The following TFDP2 variants were observed in gnomAD, a reference collection of about 807,000 sequenced individuals.
TFDP2 encodes the protein transcription factor Dp-2 (E2F dimerization partner 2).
In TFDP2, 17 loss-of-function variants were observed where a neutral mutation model predicts 59.3. That is an observed-to-expected ratio of 0.29 (90% CI 0.20 to 0.43). The LOEUF is 0.43. Among genes scored for constraint, TFDP2 ranks in the 20% least tolerant of loss-of-function variants. TFDP2 has a pLI of 1.00. For missense variants in TFDP2, 391 were observed against 528.8 expected, an observed-to-expected ratio of 0.74 and a Z score of 2.56; for synonymous variants, 180 against 194.7, an observed-to-expected ratio of 0.92 and a Z score of 0.63.
chr3:142,110,490 C>T (rs1037663470), intron 1 of TFDP2, among the ~76,000 whole-genome samples: 5 of 148,726 alleles, frequency 3.4e-5, no homozygotes, highest in East Asian at 2.0e-4. Context: ...GGCGACAGAA[C>T]GAGACTCTGT....
chr3:142,036,460 T>C (rs1335791096), intron 3 of TFDP2, among the ~76,000 whole-genome samples: 1 of 152,238 alleles, frequency 6.6e-6, no homozygotes, highest in Non-Finnish European at 1.5e-5. Context: ...TATTACAACA[T>C]TTATCACAAC....
At chr3:142,044,071 T>C (rs1285416411) in intron 3 of TFDP2, 9 of 652,396 alleles carry the variant, frequency 1.4e-5, no homozygotes, top group Admixed American at 4.1e-5. Context: ...TTTGATCAGC[T>C]TCCGCATCTG....
intron 3 of TFDP2, among the ~76,000 whole-genome samples, chr3:142,046,524 A>C (rs553491980): frequency 3.5e-4 from 53 of 152,310 alleles, no homozygotes; most frequent in African/African-American, 1.2e-3. Context: ...AGAGGTAATG[A>C]TAAGAGAGAT....
At chr3:141,993,938 C>T (rs3817176) in intron 5 of TFDP2, among the ~76,000 whole-genome samples, 17,360 of 152,300 alleles carry the variant, frequency 0.11, 1,219 homozygotes, top group East Asian at 0.18. Context: ...CTGAAAACAT[C>T]CAGACCCTGG....
intron 3 of TFDP2, among the ~76,000 whole-genome samples, chr3:142,051,313 T>G (rs1947614934): frequency 6.6e-6 from 1 of 152,046 alleles, no homozygotes; most frequent in African/African-American, 2.4e-5. Context: ...CCAAGATGGG[T>G]GGATTACTTG....
intron 11 of TFDP2, among the ~76,000 whole-genome samples, chr3:141,957,296 G>T (rs62283124): frequency 6.6e-6 from 1 of 152,176 alleles, no homozygotes; most frequent in Non-Finnish European, 1.5e-5. Context: ...CAGCTTGGGC[G>T]ACAGAGTGAG....
intron 1 of TFDP2, among the ~76,000 whole-genome samples, chr3:142,111,240 C>T (rs1292127872): frequency 6.6e-6 from 1 of 151,766 alleles, no homozygotes; most frequent in Non-Finnish European, 1.5e-5. Context: ...ACCAGCCTGG[C>T]CAACATGGTG....
chr3:141,962,921 A>C (rs986928243), intron 10 of TFDP2, among the ~76,000 whole-genome samples: 2 of 152,242 alleles, frequency 1.3e-5, no homozygotes, highest in Non-Finnish European at 2.9e-5. Flanking sequence ...AATAAACTAT[A>C]GGCTGACCTT....
At chr3:142,127,794 A>C (rs982113504) in intron 1 of TFDP2, among the ~76,000 whole-genome samples, 1 of 152,198 alleles carries the variant, frequency 6.6e-6, no homozygotes. Context: ...CATATATCTC[A>C]TCACAAAGGC....
In TFDP2 at chr3:142,149,528, G is replaced by A. The variant is rs551007325; in HGVS notation, c.-438C>T. On this transcript the variant is annotated 5_prime_UTR_variant, in exon 1 of 13. Transcript: ENST00000489671. ...CTTCCCCCGCGCGAGCTTTGGCGGC[G>A]GAGCAGCACAGTGCGCGCCGATTGG... 3.1e-4 allele frequency: 99 copies of A among 316,606 alleles called. No homozygotes were observed. In the East Asian group the frequency reaches 3.9e-3, roughly 12 times the overall value. 19.6% of individuals were successfully genotyped at this position (316,606 alleles called of 1,614,324 possible). A position where few individuals can be genotyped will look rare whatever the true frequency, so the allele number is the denominator to read the frequency against.
At chr3:142,048,637 C>T (rs1339461228) in intron 3 of TFDP2, among the ~76,000 whole-genome samples, 1 of 152,148 alleles carries the variant, frequency 6.6e-6, no homozygotes, top group Non-Finnish European at 1.5e-5. Flanking sequence ...ACAATCACAG[C>T]TCACTACAAC....
At chr3:142,134,439 T>C (rs777929029) in intron 1 of TFDP2, among the ~76,000 whole-genome samples, 4 of 152,048 alleles carry the variant, frequency 2.6e-5, no homozygotes, top group Admixed American at 1.3e-4. Flanking sequence ...TTACTTAAGA[T>C]AGATGTAAGC....
intron 6 of TFDP2, among the ~76,000 whole-genome samples, chr3:141,985,293 C>T (rs1222559033): frequency 6.6e-6 from 1 of 151,956 alleles, no homozygotes; most frequent in Non-Finnish European, 1.5e-5. Context: ...CTTTAGGAGG[C>T]CGAGGCAGGC....
intron 3 of TFDP2, among the ~76,000 whole-genome samples, chr3:142,068,890 T>C (rs1054215622): frequency 6.6e-6 from 1 of 152,102 alleles, no homozygotes; most frequent in African/African-American, 2.4e-5. Flanking sequence ...AATAGTTATA[T>C]ACCCAGATCA....
chr3:141,979,262 C>A (rs1300714654), intron 6 of TFDP2, among the ~76,000 whole-genome samples: 1 of 152,114 alleles, frequency 6.6e-6, no homozygotes, highest in South Asian at 2.1e-4. Flanking sequence ...CTCTGCCAGT[C>A]CTATAAAAGT....
intron 3 of TFDP2, among the ~76,000 whole-genome samples, chr3:142,080,848 C>G (rs58573615): frequency 0.22 from 32,729 of 152,036 alleles, 3,628 homozygotes; most frequent in African/African-American, 0.28. Flanking sequence ...GCAAATATTA[C>G]TGCTAAACAG....
intron 3 of TFDP2, among the ~76,000 whole-genome samples, chr3:142,087,730 G>A (rs757421267): frequency 6.6e-6 from 1 of 152,052 alleles, no homozygotes; most frequent in Non-Finnish European, 1.5e-5. Context: ...TTGAACTGCT[G>A]AGCTCAAGCA....
chr3:142,141,131 C>T (rs375529244), intron 1 of TFDP2, among the ~76,000 whole-genome samples: 8 of 152,180 alleles, frequency 5.3e-5, no homozygotes, highest in East Asian at 1.9e-4. Flanking sequence ...CAGACTACTT[C>T]GCTAGCAGTG....
chr3:141,978,722 T>A (rs1266459545), intron 6 of TFDP2, 40 bp from the exon 7 acceptor site: 1 of 1,418,344 alleles, frequency 7.1e-7, no homozygotes, highest in Admixed American at 2.7e-5. Context: ...ATTATACATA[T>A]TAGAGACTTT....
Sources: allele counts gnomAD v4.1 joint callset (sites outside exome capture counted in the v4.1 genomes callset), GRCh38; gene constraint gnomAD v4.1.1; transcripts MANE v1.5; gene names NCBI Gene and HGNC (gene_info 2026-07-23, HGNC 2026-07-21).